Variants in SPECC1L observed in about 807,000 individuals in gnomAD.
SPECC1L encodes the protein cytospin-A.
SPECC1L carries 40 observed loss-of-function variants against 116.8 expected under a neutral mutation model. The observed-to-expected ratio is 0.34, with a 90% CI of 0.27 to 0.45. The LOEUF (loss-of-function observed/expected upper bound fraction) is 0.45. Ranked by LOEUF, SPECC1L falls within the 20% of genes least tolerant of loss-of-function variation. The pLI, the probability that SPECC1L is intolerant of heterozygous loss-of-function variation, is 1.00. For missense variants in SPECC1L, 1,110 were observed against 1,373.6 expected, an observed-to-expected ratio of 0.81 and a Z score of 3.03; for synonymous variants, 504 against 500.6, an observed-to-expected ratio of 1.01 and a Z score of -0.09.
chr22:24,389,264 A>T (rs2042220629), intron 14 of SPECC1L, among the ~76,000 whole-genome samples: 1 of 151,910 alleles, frequency 6.6e-6, no homozygotes, highest in African/African-American at 2.4e-5. Context: ...TTACAGGTGC[A>T]TGCCACCATG....
In SPECC1L at chr22:24,321,531, A is replaced by T. The variant is rs778445800; in HGVS notation, c.551A>T (p.Lys184Ile). 2 of 1,614,226 alleles carry T rather than the reference A, an allele frequency of 1.2e-6. No homozygotes were observed. Among genetic ancestry groups the T allele is most frequent in the South Asian group, 2.2e-5 (2 of 91,088 alleles). The change falls in exon 5 of 17, where the codon AAA (lysine) becomes ATA (isoleucine). Residue 184 changes from lysine (K) to isoleucine (I), a missense_variant. This residue lies in a region of SPECC1L where 437 missense variants were observed against 482.6 expected (regional missense o/e 0.91). Coordinates refer to ENST00000314328, the MANE Select transcript of SPECC1L (RefSeq NM_015330.6). ...AGTGACAGAGCTGCTTTGGAGGCCAAAGTGAAGGATCTTCTCACGCTGGCA... is the reference window on the plus strand; with the variant it reads ...AGTGACAGAGCTGCTTTGGAGGCCATAGTGAAGGATCTTCTCACGCTGGCA... ...QISDRAALEA[K>I]VKDLLTLAKT...
At position 24,365,628 on chromosome 22, in the gene SPECC1L, A is replaced by G. The variant is rs2041747073; in HGVS notation, c.2980A>G (p.Ile994Val). 2 of 1,614,070 alleles carry G rather than the reference A, an allele frequency of 1.2e-6. No homozygotes were observed. The highest frequency in any genetic ancestry group is 1.7e-5 in the Admixed American group (1 of 60,008). ...ASVTPTTRSRIREERKDPLSA... is the reference protein window; with the variant it reads ...ASVTPTTRSRVREERKDPLSA... ...TGTGACTCCCACCACCCGAAGCCGA[A>G]TAAGGTAGAGAACAGTTAATATTCA... The change falls in exon 13 of 17, where the codon ATA (isoleucine) becomes GTA (valine). Residue 994 changes from isoleucine (I) to valine (V), a missense_variant. Coordinates refer to ENST00000314328, the MANE Select transcript of SPECC1L (RefSeq NM_015330.6).
chr22:24,274,147 G>C (rs932338641), intron 1 of SPECC1L, among the ~76,000 whole-genome samples: 1 of 152,214 alleles, frequency 6.6e-6, no homozygotes, highest in Non-Finnish European at 1.5e-5. Flanking sequence ...GAATAGACTA[G>C]ATGCGAGGTA....
At chr22:24,398,128 G>C (rs1245607687) in intron 14 of SPECC1L, among the ~76,000 whole-genome samples, 1 of 152,164 alleles carries the variant, frequency 6.6e-6, no homozygotes, top group African/African-American at 2.4e-5. Context: ...GCTGTCTTCT[G>C]GTATTCAGAG....
At chr22:24,396,576 GTGT>G (rs2042373338) in intron 14 of SPECC1L, among the ~76,000 whole-genome samples, 1 of 152,136 alleles carries the variant, frequency 6.6e-6, no homozygotes, top group African/African-American at 2.4e-5. Flanking sequence ...GGAATTACAG[GTGT>G]GCCACCACCC....
At chr22:24,284,392 C>T (rs1321622975) in intron 2 of SPECC1L, among the ~76,000 whole-genome samples, 1 of 151,848 alleles carries the variant, frequency 6.6e-6, no homozygotes, top group African/African-American at 2.4e-5. Flanking sequence ...CAGAGATATT[C>T]CATTATTTTG....
chr22:24,368,425 G>A (rs2041813298), intron 13 of SPECC1L, among the ~76,000 whole-genome samples: 2 of 152,172 alleles, frequency 1.3e-5, no homozygotes, highest in African/African-American at 4.8e-5. Flanking sequence ...TCAAAAAACA[G>A]TGTACAACAT....
intron 1 of SPECC1L, among the ~76,000 whole-genome samples, chr22:24,272,543 C>T (rs1039052127): frequency 8.6e-5 from 13 of 151,944 alleles, no homozygotes; most frequent in African/African-American, 2.4e-4. Context: ...CGTGGTGGCA[C>T]ACGCTTGTGA....
In SPECC1L at chr22:24,414,416, C is replaced by T. The variant is rs186882755; in HGVS notation, c.3265-118C>T. ...AGGCTTTAAAAATGTGTAATTAGGC[C>T]TAGAAAATATTTCAAGGCCCCATCC... On this transcript the variant is annotated intron_variant, in intron 16 of 16. Transcript: ENST00000314328. 15 of 829,184 alleles carry T rather than the reference C, an allele frequency of 1.8e-5. No individual in the cohort carries two copies. In the Admixed American group the frequency reaches 2.8e-4, roughly 15 times the overall value. The allele number at this position is 829,184 out of a possible 1,614,324, so 51.4% of individuals were successfully genotyped here.
rs573626831 is a variant in SPECC1L at position 24,401,882 on chromosome 22, T to C, written c.3088-9706T>C. Reference sequence around the variant, plus strand: ...AGCGTAGGAAAACCCGAAAAATCTTTGCAGTGATTCTAGCGCACAGTGAGG... The same window carrying C: ...AGCGTAGGAAAACCCGAAAAATCTTCGCAGTGATTCTAGCGCACAGTGAGG... On this transcript the variant is annotated intron_variant, in intron 14 of 16. Coordinates refer to ENST00000314328, the MANE Select transcript of SPECC1L (RefSeq NM_015330.6). 5.3e-5 allele frequency among the ~76,000 whole-genome samples: 8 copies of C among 152,262 alleles called. No homozygotes were observed. In the East Asian group the frequency reaches 1.3e-3, roughly 26 times the overall value.
At chr22:24,353,343 ATACTTGTCAG>A (rs1451834579) in intron 11 of SPECC1L, among the ~76,000 whole-genome samples, 3 of 152,208 alleles carry the variant, frequency 2.0e-5, no homozygotes, top group Non-Finnish European at 4.4e-5. Context: ...CTTTTGAAGA[ATACTTGTCAG>A]TTATTTTGCA....
At chr22:24,293,291 A>G (rs1190691491) in intron 2 of SPECC1L, among the ~76,000 whole-genome samples, 1 of 152,128 alleles carries the variant, frequency 6.6e-6, no homozygotes, top group Admixed American at 6.5e-5. Flanking sequence ...CGTCTCTACT[A>G]CAAGTACAAA....
At chr22:24,294,257 T>C (rs2049213179) in intron 2 of SPECC1L, among the ~76,000 whole-genome samples, 1 of 131,590 alleles carries the variant, frequency 7.6e-6, no homozygotes, top group Non-Finnish European at 1.6e-5. Context: ...CCTGTACATA[T>C]ACTTGCCCTG....
chr22:24,355,707 A>G (rs2041519479), intron 11 of SPECC1L, among the ~76,000 whole-genome samples: 1 of 152,156 alleles, frequency 6.6e-6, no homozygotes, highest in South Asian at 2.1e-4. Flanking sequence ...TACTTAAGCC[A>G]GTTCCTTTTT....
chr22:24,404,328 T>C (rs2042542374), intron 14 of SPECC1L, among the ~76,000 whole-genome samples: 1 of 152,234 alleles, frequency 6.6e-6, no homozygotes, highest in East Asian at 1.9e-4. Flanking sequence ...TCCGCACTGC[T>C]CTCCTGACTC....
intron 11 of SPECC1L, among the ~76,000 whole-genome samples, chr22:24,351,412 A>G (rs571894457): frequency 6.6e-6 from 1 of 152,310 alleles, no homozygotes; most frequent in East Asian, 1.9e-4. Flanking sequence ...GAAAACACAG[A>G]TTAAATGCAT....
intron 1 of SPECC1L, among the ~76,000 whole-genome samples, chr22:24,274,456 A>C (rs1280570158): frequency 6.6e-6 from 1 of 152,250 alleles, no homozygotes; most frequent in Non-Finnish European, 1.5e-5. Context: ...TCTTGAAATG[A>C]AATTAATAAT....
At chr22:24,387,155 AAAT>A (rs1332943786) in intron 14 of SPECC1L, among the ~76,000 whole-genome samples, 2 of 152,222 alleles carry the variant, frequency 1.3e-5, no homozygotes, top group African/African-American at 4.8e-5. Context: ...GAAACAACCC[AAAT>A]AATCATTAAG....
intron 13 of SPECC1L, among the ~76,000 whole-genome samples, chr22:24,366,721 T>C (rs1052916024): frequency 6.6e-6 from 1 of 152,194 alleles, no homozygotes; most frequent in Non-Finnish European, 1.5e-5. Context: ...ACTGGGAGTC[T>C]GGGAACGTGG....
Sources: gnomAD v4.1 joint callset for allele counts (sites outside exome capture counted in the v4.1 genomes callset) on GRCh38, gnomAD v4.1.1 for gene constraint, gnomAD v4.1.1 regional missense constraint, MANE v1.5 for transcripts, NCBI Gene and HGNC (gene_info 2026-07-23, HGNC 2026-07-21) for gene names.